DAB1: variants seen among roughly 807,000 people sequenced by gnomAD.
The protein encoded by DAB1 is disabled homolog 1.
In DAB1, 15 loss-of-function variants were observed where a neutral mutation model predicts 64.6. That is an observed-to-expected ratio of 0.23 (90% CI 0.16 to 0.36). DAB1 has a LOEUF of 0.36. Ranked by LOEUF, DAB1 falls within the 10% of genes least tolerant of loss-of-function variation. The probability of loss-of-function intolerance (pLI) is 1.00; values close to 1 mark genes in which losing one functional copy is unlikely to be tolerated. For missense variants in DAB1, 596 were observed against 706.7 expected, an observed-to-expected ratio of 0.84 and a Z score of 1.78; for synonymous variants, 235 against 251.9, an observed-to-expected ratio of 0.93 and a Z score of 0.64.
At chr1:57,472,283 G>A (rs1377209664) in intron 7 of DAB1, among the ~76,000 whole-genome samples, 1 of 152,236 alleles carries the variant, frequency 6.6e-6, no homozygotes, top group Non-Finnish European at 1.5e-5. Flanking sequence ...TGAGACTCAT[G>A]GAGGGTCATT....
chr1:57,267,263 C>G (rs2100577195), intron 2 of DAB1, among the ~76,000 whole-genome samples: 1 of 151,828 alleles, frequency 6.6e-6, no homozygotes, highest in South Asian at 2.1e-4. Context: ...AAAGAGCTTC[C>G]ACAGGGAGTG....
chr1:57,011,433 G>A (rs1008242277), intron 12 of DAB1, among the ~76,000 whole-genome samples, 161 bp from the exon 13 acceptor site: 2 of 152,122 alleles, frequency 1.3e-5, no homozygotes, highest in Non-Finnish European at 1.5e-5. Flanking sequence ...CTCTCTGTAC[G>A]TATTGATCTT....
At chr1:58,090,173 C>T (rs192757344) in intron 5 of DAB1, among the ~76,000 whole-genome samples, 21 of 152,198 alleles carry the variant, frequency 1.4e-4, no homozygotes, top group African/African-American at 4.6e-4. Context: ...TAACAACATA[C>T]AGCCCACTGA....
chr1:58,403,788 CAT>C (rs1175566308), intron 3 of DAB1, among the ~76,000 whole-genome samples: 25 of 152,316 alleles, frequency 1.6e-4, no homozygotes, highest in African/African-American at 6.0e-4. Flanking sequence ...ATCCCCTATA[CAT>C]GTTTGCAAAT....
intron 2 of DAB1, among the ~76,000 whole-genome samples, chr1:57,221,728 T>C (rs1324630281): frequency 6.6e-6 from 1 of 152,150 alleles, no homozygotes. Flanking sequence ...AAGACAGACA[T>C]TTGTGGTTCA....
chr1:58,100,144 TAA>T (rs1256180293), intron 5 of DAB1, among the ~76,000 whole-genome samples: 1 of 152,238 alleles, frequency 6.6e-6, no homozygotes, highest in Non-Finnish European at 1.5e-5. Context: ...TCAGTGGCAT[TAA>T]GTGTGTTCAC....
chr1:57,429,922 G>T (rs1685435832), intron 7 of DAB1, among the ~76,000 whole-genome samples: 1 of 151,994 alleles, frequency 6.6e-6, no homozygotes, highest in South Asian at 2.1e-4. Context: ...CAGGTAGTAT[G>T]ATGCCTCTGG....
chr1:58,103,057 C>T (rs189785889), intron 5 of DAB1, among the ~76,000 whole-genome samples: 4 of 152,244 alleles, frequency 2.6e-5, no homozygotes, highest in Admixed American at 1.3e-4. Context: ...TGCCAGCTCA[C>T]AGTTCAGGAG....
chr1:57,034,267 G>A (rs1308297831), intron 9 of DAB1, among the ~76,000 whole-genome samples: 8 of 86,582 alleles, frequency 9.2e-5, no homozygotes, highest in African/African-American at 4.2e-4. Context: ...GTGACAGAGC[G>A]GACTCCATTT....
intron 11 of DAB1, among the ~76,000 whole-genome samples, chr1:57,020,413 G>A (rs938844238): frequency 1.3e-5 from 2 of 152,196 alleles, no homozygotes; most frequent in Admixed American, 1.3e-4. Context: ...GTAGAATTAT[G>A]ATCATCCCCA....
chr1:57,776,717 T>C (rs1241336129), intron 6 of DAB1, among the ~76,000 whole-genome samples: 1 of 151,894 alleles, frequency 6.6e-6, no homozygotes. Context: ...AATGTAAGAA[T>C]ATTACAAACA....
intron 6 of DAB1, among the ~76,000 whole-genome samples, chr1:57,800,665 A>C (rs1465439158): frequency 2.0e-5 from 3 of 152,222 alleles, no homozygotes. Context: ...TCGGGAAGAA[A>C]TACATCACAT....
In DAB1 at chr1:58,030,100, G is replaced by A. The variant is rs183062053; in HGVS notation, n.387+120411C>T. ...AGGTGCCTGTAATCCCAGCTACTCG[G>A]GAGGCTGAGGCAGGGAGAATTGCTT... On this transcript the variant is annotated intron_variant and non_coding_transcript_variant, in intron 5 of 20. Coordinates refer to the DAB1 transcript ENST00000485760. 5.7e-3 allele frequency among the ~76,000 whole-genome samples: 872 copies of A among 152,116 alleles called. 9 individuals carry two copies. Among genetic ancestry groups the A allele is most frequent in the African/African-American group, 0.02 (838 of 41,504 alleles).
chr1:58,039,374 T>C (rs1647098530), intron 5 of DAB1, among the ~76,000 whole-genome samples: 1 of 152,096 alleles, frequency 6.6e-6, no homozygotes. Flanking sequence ...GAAACCACAA[T>C]AAAGGCTCTT....
At chr1:58,094,693 A>G (rs901194799) in intron 5 of DAB1, among the ~76,000 whole-genome samples, 1 of 152,232 alleles carries the variant, frequency 6.6e-6, no homozygotes, top group African/African-American at 2.4e-5. Context: ...TCCTTTACCC[A>G]TCTCTCTATC....
intron 3 of DAB1, among the ~76,000 whole-genome samples, chr1:58,368,385 G>C (rs977989901): frequency 5.3e-5 from 8 of 152,078 alleles, no homozygotes; most frequent in Non-Finnish European, 8.8e-5. Flanking sequence ...TTAAAGTTTT[G>C]GTTACCCCAC....
chr1:57,791,865 G>A (rs1233286990), intron 6 of DAB1, among the ~76,000 whole-genome samples: 3 of 152,044 alleles, frequency 2.0e-5, no homozygotes, highest in Non-Finnish European at 4.4e-5. Context: ...CTCAATCTCC[G>A]AGCACACTTA....
intron 7 of DAB1, among the ~76,000 whole-genome samples, chr1:57,486,055 T>C (rs761306961): frequency 3.9e-5 from 6 of 152,190 alleles, no homozygotes; most frequent in Non-Finnish European, 8.8e-5. Flanking sequence ...TAACTTTTAC[T>C]CTCCAAACAC....
intron 1 of DAB1, among the ~76,000 whole-genome samples, chr1:57,332,730 T>C (rs2100801989): frequency 6.6e-6 from 1 of 152,296 alleles, no homozygotes; most frequent in Non-Finnish European, 1.5e-5. Context: ...CCATGCCCAA[T>C]AGATTTAAAA....
Sources: allele counts gnomAD v4.1 joint callset (sites outside exome capture counted in the v4.1 genomes callset), GRCh38; gene constraint gnomAD v4.1.1; transcripts MANE v1.5; gene names NCBI Gene and HGNC (gene_info 2026-07-23, HGNC 2026-07-21).